The following GPR141 variants were observed in gnomAD, a reference collection of about 807,000 sequenced individuals.
GPR141 encodes the protein probable G protein-coupled receptor 141.
A neutral mutation model predicts 6.8 loss-of-function variants in GPR141; 6 were observed. That is an observed-to-expected ratio of 0.88 (90% confidence interval 0.48 to 1.74). The LOEUF (loss-of-function observed/expected upper bound fraction) is 1.74. GPR141 is among the 40% of genes most tolerant of loss of function. The pLI is 0.01. For synonymous variants in GPR141, 140 were observed against 142.3 expected, an observed-to-expected ratio of 0.98 and a Z score of 0.11; for missense variants, 372 against 372.9, an observed-to-expected ratio of 1.00 and a Z score of 0.02.
intron 2 of GPR141, among the ~76,000 whole-genome samples, chr7:37,724,284 A>T (rs1024201820): frequency 6.6e-6 from 1 of 152,080 alleles, no homozygotes; most frequent in African/African-American, 2.4e-5. Flanking sequence ...CTGCCTAAAA[A>T]ATATATATAT....
chr7:37,737,444 A>C (rs967042672), intron 2 of GPR141, among the ~76,000 whole-genome samples: 1 of 152,212 alleles, frequency 6.6e-6, no homozygotes, highest in Non-Finnish European at 1.5e-5. Flanking sequence ...CCAGATAAAC[A>C]TACTACTGTC....
intron 2 of GPR141, among the ~76,000 whole-genome samples, chr7:37,728,284 C>T (rs183818103): frequency 6.6e-6 from 1 of 151,756 alleles, no homozygotes; most frequent in Admixed American, 6.6e-5. Context: ...GATTTAAAAG[C>T]GGTGATGTGT....
At chr7:37,708,481 C>G in intron 2 of GPR141, among the ~76,000 whole-genome samples, 1 of 152,046 alleles carries the variant, frequency 6.6e-6, no homozygotes. Context: ...GTGCCATGTT[C>G]AGAGAGTGGT....
At chr7:37,737,619 A>G (rs146075571) in intron 2 of GPR141, among the ~76,000 whole-genome samples, 10 of 151,836 alleles carry the variant, frequency 6.6e-5, no homozygotes, top group Admixed American at 6.6e-4. Flanking sequence ...TTGTTAGTGT[A>G]TTTTCTATAT....
At chr7:37,719,479 A>C (rs545082524) in intron 2 of GPR141, among the ~76,000 whole-genome samples, 1 of 152,286 alleles carries the variant, frequency 6.6e-6, no homozygotes, top group African/African-American at 2.4e-5. Context: ...TCTAACATGG[A>C]TCTCATCTTG....
At chr7:37,698,695 CT>C (rs1810137813) in intron 2 of GPR141, among the ~76,000 whole-genome samples, 1 of 152,158 alleles carries the variant, frequency 6.6e-6, no homozygotes, top group Non-Finnish European at 1.5e-5. Context: ...TTGTTTTTGT[CT>C]GTGCTTAGAC....
At chr7:37,705,814 A>G (rs933548997) in intron 2 of GPR141, among the ~76,000 whole-genome samples, 1 of 152,202 alleles carries the variant, frequency 6.6e-6, no homozygotes, top group Non-Finnish European at 1.5e-5. Context: ...AAAGCTTCCC[A>G]GGCAATTCTA....
intron 2 of GPR141, among the ~76,000 whole-genome samples, chr7:37,718,422 A>G (rs946394059): frequency 6.6e-6 from 1 of 152,014 alleles, no homozygotes; most frequent in Non-Finnish European, 1.5e-5. Flanking sequence ...AGGCTGTGAC[A>G]GGAGGATTGC....
chr7:37,735,740 G>A (rs2247467), intron 2 of GPR141, among the ~76,000 whole-genome samples: 123,686 of 152,136 alleles, frequency 0.81, 50,333 homozygotes, highest in Middle Eastern at 0.86. Flanking sequence ...GATAATAGAA[G>A]TATATCTATA....
intron 2 of GPR141, among the ~76,000 whole-genome samples, chr7:37,714,926 A>G (rs1810975894): frequency 6.6e-6 from 1 of 152,220 alleles, no homozygotes; most frequent in South Asian, 2.1e-4. Context: ...TTTTATCTTC[A>G]TGAAAGTTAG....
rs542365651 is a variant in GPR141, at chr7:37,692,735, C to T, written c.-15+7152C>T. ...CTCATTGTGGTTTTGATTTGCATTT[C>T]TCTAATGACCAGTGATGATGAGCTT... On this transcript the variant is annotated intron_variant, in intron 2 of 2. Transcript: ENST00000334425. Among the ~76,000 whole-genome samples, 9 of 152,264 alleles carry T rather than the reference C, an allele frequency of 5.9e-5. No individual in the cohort carries two copies. In the South Asian group the frequency reaches 1.7e-3, roughly 28 times the overall value.
chr7:37,712,529 C>T (rs1375508894), intron 2 of GPR141, among the ~76,000 whole-genome samples: 1 of 152,216 alleles, frequency 6.6e-6, no homozygotes, highest in Non-Finnish European at 1.5e-5. Context: ...ACCTGCCCCT[C>T]TGTTTCTCCA....
In GPR141 at chr7:37,740,411, C is replaced by T. The variant is rs1314285751; in HGVS notation, c.18C>T (p.Thr6=). MPGHN[T]SRNSSCDPIV... ...TCCCAAGTATGCCTGGCCACAATAC[C>T]TCCAGGAATTCCTCTTGCGATCCTA... Residue 6 remains threonine, a synonymous_variant, in exon 3 of 3, where the codon ACC becomes ACT. Coordinates refer to ENST00000334425, the MANE Select transcript of GPR141 (RefSeq NM_001381946.1). 1 of 1,600,776 alleles carries T rather than the reference C, an allele frequency of 6.2e-7. No individual in the cohort carries two copies. The highest frequency in any genetic ancestry group is 2.2e-5 in the East Asian group (1 of 44,658).
intron 2 of GPR141, among the ~76,000 whole-genome samples, chr7:37,737,936 C>A (rs1433947114): frequency 1.3e-5 from 2 of 152,172 alleles, no homozygotes; most frequent in Non-Finnish European, 2.9e-5. Context: ...AGAAAAGCAC[C>A]TTTCAAGATA....
chr7:37,704,525 T>C (rs1262325442), intron 2 of GPR141, among the ~76,000 whole-genome samples: 1 of 152,092 alleles, frequency 6.6e-6, no homozygotes, highest in Non-Finnish European at 1.5e-5. Flanking sequence ...GGGAACAGCA[T>C]GGGGGAAACC....
chr7:37,734,643 G>T (rs1812143405), intron 2 of GPR141, among the ~76,000 whole-genome samples: 1 of 152,224 alleles, frequency 6.6e-6, no homozygotes. Context: ...GAGGAGAAAA[G>T]AGAAGGTCAG....
At chr7:37,719,239 T>C (rs1266206569) in intron 2 of GPR141, among the ~76,000 whole-genome samples, 1 of 152,078 alleles carries the variant, frequency 6.6e-6, no homozygotes, top group Non-Finnish European at 1.5e-5. Context: ...GAGCCTAAGG[T>C]GGAAGTCTGT....
chr7:37,720,036 G>T (rs971627626), intron 2 of GPR141, among the ~76,000 whole-genome samples: 3 of 152,298 alleles, frequency 2.0e-5, no homozygotes, highest in African/African-American at 7.2e-5. Flanking sequence ...AGTCTTGGAG[G>T]GTTACTGGTC....
chr7:37,707,525 C>G (rs1427165613), intron 2 of GPR141, among the ~76,000 whole-genome samples: 2 of 152,146 alleles, frequency 1.3e-5, no homozygotes, highest in Non-Finnish European at 2.9e-5. Context: ...CTCTCATCAA[C>G]AATAAGCATT....
Sources: allele counts gnomAD v4.1 joint callset (sites outside exome capture counted in the v4.1 genomes callset), GRCh38; gene constraint gnomAD v4.1.1; transcripts MANE v1.5; gene names NCBI Gene and HGNC (gene_info 2026-07-23, HGNC 2026-07-21).